Variants in PTPDC1 observed in about 807,000 individuals in gnomAD.
PTPDC1 encodes protein tyrosine phosphatase domain-containing protein 1.
A neutral mutation model predicts 75.3 loss-of-function variants in PTPDC1; 53 were observed. The ratio of observed to expected loss-of-function variants is 0.70; its 90% CI spans 0.56 to 0.88. The LOEUF is 0.88. Ranked by LOEUF, PTPDC1 falls within the 40% of genes least tolerant of loss-of-function variation. PTPDC1 has a pLI of 0.00. For synonymous variants in PTPDC1, 349 were observed against 366.2 expected (o/e 0.95, Z 0.54); for missense variants, 925 against 998.6 (o/e 0.93, Z 0.99).
In PTPDC1 at chr9:94,040,432, C is replaced by T. The variant is rs185285856; in HGVS notation, c.-7+9305C>T. On this transcript the variant is annotated intron_variant, in intron 1 of 9. Transcript: ENST00000375360. ...TTTAAGATCAGAAGCTTTTATCCAC[C>T]CTGTGTATAAACCACAGCAGATTTA... Among the ~76,000 whole-genome samples the T allele has an allele frequency of 2.7e-3, 410 of 152,154 alleles. 2 individuals carry two copies. Among genetic ancestry groups the T allele is most frequent in the Middle Eastern group, 6.8e-3 (2 of 294 alleles).
chr9:94,097,132 G>A (rs896352166), intron 5 of PTPDC1, among the ~76,000 whole-genome samples, 189 bp from the exon 6 acceptor site: 23 of 152,266 alleles, frequency 1.5e-4, no homozygotes, highest in Admixed American at 1.0e-3. Context: ...GTTCTGTGCA[G>A]TAAGGAACGT....
chr9:94,052,393 TATCTTGGTGACTGTTCC>T (rs1349908037), intron 1 of PTPDC1, among the ~76,000 whole-genome samples: 2 of 152,194 alleles, frequency 1.3e-5, no homozygotes, highest in Non-Finnish European at 2.9e-5. Flanking sequence ...GATTGTGTTC[TATCTTGGTGACTGTTCC>T]ATGTGCTCTT....
intron 2 of PTPDC1, among the ~76,000 whole-genome samples, chr9:94,068,678 T>A (rs931018933): frequency 6.6e-6 from 1 of 152,228 alleles, no homozygotes; most frequent in Admixed American, 6.5e-5. Flanking sequence ...CCTAGCAGTT[T>A]TAGCATCTAT....
At position 94,101,847 on chromosome 9, in the gene PTPDC1, C is replaced by G. The variant is rs947217439; in HGVS notation, c.2199+96C>G. 6 of 671,154 alleles carry G rather than the reference C, an allele frequency of 8.9e-6. No individual in the cohort carries two copies. The African/African-American group carries it at 9.2e-5, about 10-fold the overall frequency. The allele number at this position is 671,154 out of a possible 1,614,324, so 41.6% of individuals were successfully genotyped here. A position where few individuals can be genotyped will look rare whatever the true frequency, so the allele number is the denominator to read the frequency against. ...CCATTATAAAAAAAGAGAATTCACACAGAATCCCAAATCTAGATCTAATTT... is the reference window on the plus strand; with the variant it reads ...CCATTATAAAAAAAGAGAATTCACAGAGAATCCCAAATCTAGATCTAATTT... On this transcript the variant is annotated intron_variant, in intron 7 of 8. Coordinates refer to ENST00000620992, the MANE Select transcript of PTPDC1 (RefSeq NM_001253829.2).
intron 2 of PTPDC1, among the ~76,000 whole-genome samples, chr9:94,068,808 T>C (rs1021027246): frequency 2.0e-5 from 3 of 152,240 alleles, no homozygotes; most frequent in Non-Finnish European, 2.9e-5. Context: ...TTTTTATTAG[T>C]TAGCATTCTA....
chr9:94,049,124 A>G (rs1175611677), intron 1 of PTPDC1, among the ~76,000 whole-genome samples: 2 of 152,104 alleles, frequency 1.3e-5, no homozygotes, highest in Non-Finnish European at 2.9e-5. Flanking sequence ...GGTTTCCTGA[A>G]TACAGCACCC....
At chr9:94,035,042 A>G (rs1449663182) in intron 1 of PTPDC1, among the ~76,000 whole-genome samples, 1 of 152,212 alleles carries the variant, frequency 6.6e-6, no homozygotes, top group East Asian at 1.9e-4. Flanking sequence ...TGTTTACTTT[A>G]TACCTTATAA....
At chr9:94,044,991 C>A in intron 1 of PTPDC1, among the ~76,000 whole-genome samples, 1 of 82,116 alleles carries the variant, frequency 1.2e-5, no homozygotes, top group Non-Finnish European at 2.3e-5. Context: ...TATCCCTCCC[C>A]CCTCCCCCCA....
chr9:94,088,534 A>G (rs1440477702), intron 4 of PTPDC1, among the ~76,000 whole-genome samples: 4 of 152,162 alleles, frequency 2.6e-5, no homozygotes, highest in Admixed American at 2.6e-4. Context: ...CTATTATCTC[A>G]TTTAACCCTT....
At chr9:94,079,366 A>G (rs1164665320) in intron 2 of PTPDC1, among the ~76,000 whole-genome samples, 1 of 152,162 alleles carries the variant, frequency 6.6e-6, no homozygotes, top group African/African-American at 2.4e-5. Context: ...TTGTTAGCAC[A>G]CCAGCTGTTG....
intron 2 of PTPDC1, among the ~76,000 whole-genome samples, chr9:94,065,088 A>G (rs1258187610): frequency 3.9e-5 from 6 of 152,234 alleles, no homozygotes; most frequent in Admixed American, 2.0e-4. Flanking sequence ...ATTTGTTCCT[A>G]TCATCAAAGG....
chr9:94,085,153 G>A, intron 1 of PTPDC1, 98 bp from the exon 2 acceptor site: 1 of 1,082,060 alleles, frequency 9.2e-7, no homozygotes, highest in Non-Finnish European at 1.3e-6. Context: ...GCACTGGCTT[G>A]TCATCTACCA....
At chr9:94,041,809 T>A (rs1825433727) in intron 1 of PTPDC1, among the ~76,000 whole-genome samples, 1 of 152,166 alleles carries the variant, frequency 6.6e-6, no homozygotes, top group South Asian at 2.1e-4. Context: ...AAATTAATCA[T>A]TTCAACCAAG....
intron 1 of PTPDC1, among the ~76,000 whole-genome samples, chr9:94,047,315 T>A (rs143188605): frequency 1.4e-3 from 216 of 152,304 alleles, no homozygotes; most frequent in African/African-American, 4.9e-3. Context: ...TCTTTTTTTG[T>A]TGTGTCTCTG....
chr9:94,044,589 C>T (rs1825530451), intron 1 of PTPDC1, among the ~76,000 whole-genome samples: 1 of 152,120 alleles, frequency 6.6e-6, no homozygotes, highest in African/African-American at 2.4e-5. Flanking sequence ...TATCTTGCAA[C>T]CTTGTGAAAC....
chr9:94,084,432 T>G, upstream of PTPDC1: 3 of 1,520,368 alleles, frequency 2.0e-6, no homozygotes, highest in Non-Finnish European at 8.7e-7. Flanking sequence ...GGCTCTTAGA[T>G]CATACAGAAC....
chr9:94,043,545 C>A (rs1038600939), intron 1 of PTPDC1, among the ~76,000 whole-genome samples: 1 of 151,936 alleles, frequency 6.6e-6, no homozygotes, highest in Non-Finnish European at 1.5e-5. Context: ...GAAAATGACT[C>A]CCCCCCTCTA....
intron 1 of PTPDC1, among the ~76,000 whole-genome samples, chr9:94,056,345 T>G (rs1417310771): frequency 7.1e-6 from 1 of 141,428 alleles, no homozygotes; most frequent in East Asian, 2.0e-4. Context: ...AGCTTAAGTT[T>G]TTCAACCTCA....
Position 94,063,494 on chromosome 9 carries a change from G to C in PTPDC1, c.-6-1240G>C, listed in dbSNP as rs531302399. Among the ~76,000 whole-genome samples the C allele has an allele frequency of 2.0e-5, 3 of 152,140 alleles. No individual in the cohort carries two copies. In the East Asian group the frequency reaches 5.8e-4, roughly 29 times the overall value. The stretch of plus-strand genomic sequence containing the variant: ...TTTTGCATTAATTAGTATGATACCT[G>C]GTGTGTGACATTATTAATATTTCAG... On this transcript the variant is annotated intron_variant, in intron 1 of 9. Transcript: ENST00000375360.
Sources: gnomAD v4.1 joint callset for allele counts (sites outside exome capture counted in the v4.1 genomes callset) on GRCh38, gnomAD v4.1.1 for gene constraint, MANE v1.5 for transcripts, NCBI Gene and HGNC (gene_info 2026-07-23, HGNC 2026-07-21) for gene names.